SETD2: variants seen among roughly 807,000 people sequenced by gnomAD.
The protein encoded by SETD2 is histone-lysine N-methyltransferase SETD2.
In SETD2, 31 loss-of-function variants were observed where a neutral mutation model predicts 242.1. The ratio of observed to expected loss-of-function variants is 0.13; its 90% CI spans 0.10 to 0.17. The LOEUF (loss-of-function observed/expected upper bound fraction) is 0.17, where lower values mean the gene tolerates loss of function less well. SETD2 is among the 10% of genes least tolerant of loss of function. The pLI, the probability that SETD2 is intolerant of heterozygous loss-of-function variation, is 1.00. For synonymous variants in SETD2, 1,006 were observed against 1,066.5 expected (o/e 0.94, Z 1.11); for missense variants, 2,481 against 3,046.3 (o/e 0.81, Z 4.37).
chr3:47,123,232 T>C lies in SETD2; in HGVS notation c.1404A>G (p.Thr468=), dbSNP rs368082274. The change falls in exon 3 of 21, where the codon ACA becomes ACG. Residue 468 remains threonine, a synonymous_variant. Coordinates refer to ENST00000409792, the MANE Select transcript of SETD2 (RefSeq NM_014159.7). The part of the protein sequence containing the change: ...SSDSEEEYKK[T]YSRRTSSHSS... Reference sequence around the variant, plus strand: ...AATGAGATGAGGTACGCCTTGAGTATGTCTTCTTATACTCTTCTTCTGAGT... The same window carrying C: ...AATGAGATGAGGTACGCCTTGAGTACGTCTTCTTATACTCTTCTTCTGAGT... 9.8e-5 allele frequency: 153 copies of C among 1,559,106 alleles called. No homozygotes were observed. The highest frequency in any genetic ancestry group is 3.5e-4 in the Admixed American group (18 of 51,524).
chr3:47,119,941 C>T lies in SETD2; in HGVS notation c.4454+241G>A, dbSNP rs572054343. On this transcript the variant is annotated intron_variant, in intron 3 of 20. Transcript: ENST00000409792. Reference sequence around the variant, plus strand: ...CCTAAATTGTACCTTGAAAACCAAACAAGTAATGAAAGAAAAAAATAGACA... The same window carrying T: ...CCTAAATTGTACCTTGAAAACCAAATAAGTAATGAAAGAAAAAAATAGACA... 6.2e-4 allele frequency among the ~76,000 whole-genome samples: 89 copies of T among 144,670 alleles called. 1 individual carries two copies. Among genetic ancestry groups the T allele is most frequent in the African/African-American group, 2.2e-3 (87 of 38,890 alleles). The allele number at this position is 144,670 out of a possible 152,430, so 94.9% of individuals were successfully genotyped here. A position where few individuals can be genotyped will look rare whatever the true frequency, so the allele number is the denominator to read the frequency against.
chr3:47,049,745 T>TA (rs1409684804), intron 15 of SETD2, among the ~76,000 whole-genome samples: 10 of 39,380 alleles, frequency 2.5e-4, no homozygotes, highest in Non-Finnish European at 5.6e-4. Flanking sequence ...ATATTATATA[T>TA]TATATATATA....
chr3:47,046,370 A>T, intron 16 of SETD2, 117 bp downstream of exon 16: 1 of 795,028 alleles, frequency 1.3e-6, no homozygotes, highest in South Asian at 3.4e-5. Flanking sequence ...AATAAAACAA[A>T]GAACACGTGA....
intron 4 of SETD2, 132 bp from the exon 5 acceptor site, chr3:47,114,136 C>G: frequency 1.2e-6 from 1 of 831,710 alleles, no homozygotes; most frequent in Non-Finnish European, 1.8e-6. Context: ...ATGACTAACC[C>G]CCAACTAAGT....
intron 6 of SETD2, among the ~76,000 whole-genome samples, chr3:47,104,901 G>A (rs1230120108): frequency 6.6e-6 from 1 of 152,098 alleles, no homozygotes; most frequent in Non-Finnish European, 1.5e-5. Flanking sequence ...TGGAGCAGCT[G>A]TAACTAGATG....
At chr3:47,044,381 A>AAAAAAAAAAAAAAAC in intron 16 of SETD2, among the ~76,000 whole-genome samples, 1 of 129,522 alleles carries the variant, frequency 7.7e-6, no homozygotes, top group African/African-American at 2.9e-5. Context: ...AAAAAAAAAA[A>AAAAAAAAAAAAAAAC]AAAAAGGCCT....
chr3:47,123,401 C>G lies in SETD2; in HGVS notation c.1235G>C (p.Gly412Ala), dbSNP rs535540244. The G allele has an allele frequency of 3.2e-6, 5 of 1,551,616 alleles. No individual in the cohort carries two copies. Among genetic ancestry groups the G allele is most frequent in the Non-Finnish European group, 3.5e-6 (4 of 1,146,978 alleles). Residue 412 changes from glycine to alanine, a missense_variant, in exon 3 of 21, where the codon GGC becomes GCC. Physicochemically the swap from Gly to Ala is moderately conservative, Grantham distance 60. Around this residue, in one of 17 missense-constraint regions of SETD2, gnomAD observed 1,300 missense variants for 1,259.2 expected, o/e 1.03. Coordinates refer to ENST00000409792, the MANE Select transcript of SETD2 (RefSeq NM_014159.7). ...GGAATAGGATAAATTAGTTCTAGAG[C>G]CTCTCTCAGACCTAGAGTGAGATCT... ...RSRSHSRSER[G>A]SRTNLSYSRS... is the part of the protein sequence containing the mutation.
chr3:47,102,126 A>T (rs2042238137), intron 7 of SETD2, among the ~76,000 whole-genome samples: 1 of 152,252 alleles, frequency 6.6e-6, no homozygotes, highest in South Asian at 2.1e-4. Flanking sequence ...GATACATGTT[A>T]GGCAGATCTT....
At chr3:47,125,469 AAAC>A (rs1310090728) in intron 2 of SETD2, among the ~76,000 whole-genome samples, 4 of 152,122 alleles carry the variant, frequency 2.6e-5, no homozygotes, top group African/African-American at 9.7e-5. Context: ...TTTTTAAAAA[AAAC>A]AAACAAACAA....
chr3:47,127,526 G>A (rs944653599), intron 1 of SETD2: 5 of 448,274 alleles, frequency 1.1e-5, no homozygotes, highest in South Asian at 4.7e-5. Context: ...TCAGGAGTTC[G>A]AGACCACCCT....
chr3:47,039,532 G>T (rs1392132609), intron 17 of SETD2, among the ~76,000 whole-genome samples: 1 of 151,246 alleles, frequency 6.6e-6, no homozygotes, highest in African/African-American at 2.4e-5. Flanking sequence ...TTTATTTTTG[G>T]AAGATTGATA....
At chr3:47,158,373 A>C (rs185271283) in intron 1 of SETD2, among the ~76,000 whole-genome samples, 2 of 152,140 alleles carry the variant, frequency 1.3e-5, no homozygotes, top group African/African-American at 2.4e-5. Context: ...TTTTTCAATA[A>C]AAGTTACACA....
chr3:47,122,743 A>T lies in SETD2; in HGVS notation c.1893T>A (p.Asp631Glu), dbSNP rs763035822. The stretch of plus-strand genomic sequence containing the variant: ...ATTCGGACTTAAAAATAGGCAATTC[A>T]TCTAGCTTTTTTAAAGTAGGTGAAT... ...LNDSPTLKKL[D>E]ELPIFKSEFI... Residue 631 changes from aspartate to glutamate, a missense_variant, in exon 3 of 21, where the codon GAT becomes GAA. By Grantham distance (45) the Asp-to-Glu change is conservative (BLOSUM62 2). This residue lies in a region of SETD2 where 1,300 missense variants were observed against 1,259.2 expected (regional missense o/e 1.03). Transcript: ENST00000409792. 1.9e-5 allele frequency: 31 copies of T among 1,611,160 alleles called. No individual in the cohort carries two copies. In the South Asian group the frequency reaches 3.3e-4, roughly 17 times the overall value.
chr3:47,121,788 G>T lies in SETD2; in HGVS notation c.2848C>A (p.Arg950Ser), dbSNP rs372092336. Residue 950 changes from arginine (R) to serine (S), a missense_variant, in exon 3 of 21, where the codon CGT becomes AGT. Arg to Ser is a moderately radical substitution (Grantham distance 110, BLOSUM62 -1). Coordinates refer to ENST00000409792, the MANE Select transcript of SETD2 (RefSeq NM_014159.7). Reference protein sequence around the residue: ...GKGFASRENRRNNGLSGKCLQ... With the variant: ...GKGFASRENRSNNGLSGKCLQ... ...CATTTCCCAGATAACCCATTATTAC[G>T]CCTGTTCTCCCTGGAAGCAAATCCC... 5 of 1,613,772 alleles carry T rather than the reference G, an allele frequency of 3.1e-6. No individual in the cohort carries two copies. Among genetic ancestry groups the T allele is most frequent in the African/African-American group, 2.7e-5 (2 of 74,828 alleles).
At chr3:47,090,782 T>C (rs1559709474) in intron 9 of SETD2, among the ~76,000 whole-genome samples, 1 of 152,190 alleles carries the variant, frequency 6.6e-6, no homozygotes, top group Non-Finnish European at 1.5e-5. Context: ...CATTACAACT[T>C]AGCAGGAAAT....
intron 1 of SETD2, among the ~76,000 whole-genome samples, chr3:47,152,300 T>A (rs1255695609): frequency 1.3e-5 from 2 of 152,184 alleles, no homozygotes; most frequent in Non-Finnish European, 2.9e-5. Flanking sequence ...TACCATAAAA[T>A]GTGTAGCTTA....
chr3:47,156,708 C>G (rs1575855445), intron 1 of SETD2, among the ~76,000 whole-genome samples: 1 of 152,116 alleles, frequency 6.6e-6, no homozygotes, highest in East Asian at 1.9e-4. Flanking sequence ...CTACAAAGCT[C>G]TCTCTCTCAT....
intron 1 of SETD2, among the ~76,000 whole-genome samples, chr3:47,142,555 T>G (rs2043754691): frequency 6.6e-6 from 1 of 151,924 alleles, no homozygotes; most frequent in Non-Finnish European, 1.5e-5. Context: ...AAGATCTCTG[T>G]ATACTGCTCC....
intron 1 of SETD2, among the ~76,000 whole-genome samples, chr3:47,135,327 G>A (rs1346128208): frequency 2.0e-5 from 3 of 152,074 alleles, no homozygotes; most frequent in African/African-American, 4.8e-5. Context: ...CCAGGCTGGA[G>A]GCAGTGGCAC....
Sources: allele counts gnomAD v4.1 joint callset (sites outside exome capture counted in the v4.1 genomes callset), GRCh38; gene constraint gnomAD v4.1.1; regional missense constraint gnomAD v4.1.1; transcripts MANE v1.5; gene names NCBI Gene and HGNC (gene_info 2026-07-23, HGNC 2026-07-21).